Variants in SRPK2 observed in about 807,000 individuals in gnomAD.
The protein encoded by SRPK2 is SFRS protein kinase 2.
In SRPK2, 21 loss-of-function variants were observed where a neutral mutation model predicts 90.8. The observed-to-expected ratio is 0.23, with a 90% confidence interval of 0.16 to 0.33. SRPK2 has a LOEUF of 0.33. Among genes scored for constraint, SRPK2 ranks in the 10% least tolerant of loss-of-function variants. The probability of loss-of-function intolerance (pLI) is 1.00; values close to 1 mark genes in which losing one functional copy is unlikely to be tolerated. For missense variants in SRPK2, 620 were observed against 869.0 expected, an observed-to-expected ratio of 0.71 and a Z score of 3.60; for synonymous variants, 288 against 311.1, an observed-to-expected ratio of 0.93 and a Z score of 0.78.
At chr7:105,153,844 T>C (rs1405549094) in intron 7 of SRPK2, among the ~76,000 whole-genome samples, 2 of 152,076 alleles carry the variant, frequency 1.3e-5, no homozygotes, top group South Asian at 2.1e-4. Flanking sequence ...ATTGAGAATA[T>C]TAATTACTTG....
At chr7:105,379,457 A>T (rs2132622862) in intron 2 of SRPK2, among the ~76,000 whole-genome samples, 1 of 152,236 alleles carries the variant, frequency 6.6e-6, no homozygotes, top group South Asian at 2.1e-4. Flanking sequence ...GTACTGAGGG[A>T]TGACTGTATA....
chr7:105,248,686 A>C (rs190307816), intron 2 of SRPK2, among the ~76,000 whole-genome samples: 90 of 152,258 alleles, frequency 5.9e-4, no homozygotes, highest in Non-Finnish European at 1.1e-3. Flanking sequence ...CACGCCTGTA[A>C]TCCCAGCACT....
chr7:105,155,661 C>A (rs1393207664), intron 7 of SRPK2, among the ~76,000 whole-genome samples: 24 of 152,132 alleles, frequency 1.6e-4, no homozygotes, highest in Non-Finnish European at 4.4e-5. Context: ...CAAATGTGAG[C>A]TGAAGGCATT....
intron 2 of SRPK2, among the ~76,000 whole-genome samples, chr7:105,294,229 T>C (rs981998923): frequency 6.6e-5 from 10 of 152,250 alleles, no homozygotes; most frequent in African/African-American, 2.4e-4. Flanking sequence ...AAAGTTCTTT[T>C]ATCCAGTTTC....
intron 15 of SRPK2, among the ~76,000 whole-genome samples, chr7:105,122,340 C>G (rs1800505058): frequency 6.6e-6 from 1 of 152,142 alleles, no homozygotes; most frequent in Non-Finnish European, 1.5e-5. Context: ...CATGTGTATT[C>G]AAGAGAAACG....
chr7:105,307,974 G>A (rs1477793911), intron 2 of SRPK2, among the ~76,000 whole-genome samples: 1 of 152,090 alleles, frequency 6.6e-6, no homozygotes, highest in African/African-American at 2.4e-5. Flanking sequence ...TTGTGGTGAG[G>A]TTAACACAAA....
At chr7:105,267,453 G>C (rs1052672155) in intron 2 of SRPK2, among the ~76,000 whole-genome samples, 2 of 152,156 alleles carry the variant, frequency 1.3e-5, no homozygotes, top group Middle Eastern at 3.4e-3. Context: ...CATTTTACTG[G>C]CAGAATATTC....
chr7:105,397,703 G>T (rs1822370840), intron 1 of SRPK2, among the ~76,000 whole-genome samples: 1 of 151,856 alleles, frequency 6.6e-6, no homozygotes, highest in Non-Finnish European at 1.5e-5. Flanking sequence ...GAGTACAGTG[G>T]CACCATCTGA....
intron 2 of SRPK2, chr7:105,297,611 G>A: frequency 4.5e-6 from 2 of 449,262 alleles, no homozygotes; most frequent in East Asian, 1.6e-4. Flanking sequence ...AAGGTCTTCC[G>A]AGATTATCAC....
upstream of SRPK2, chr7:105,388,939 G>C: frequency 1.7e-6 from 2 of 1,186,946 alleles, no homozygotes; most frequent in Non-Finnish European, 2.1e-6. Context: ...CGCCGCCGCC[G>C]CCGCTCCAGC....
chr7:105,318,709 G>A (rs900412322), intron 2 of SRPK2, among the ~76,000 whole-genome samples: 2 of 152,028 alleles, frequency 1.3e-5, no homozygotes, highest in South Asian at 2.1e-4. Context: ...TTTGAAACAC[G>A]CTTCTCACCA....
intron 2 of SRPK2, among the ~76,000 whole-genome samples, chr7:105,355,074 C>A (rs926682558): frequency 5.9e-5 from 9 of 152,122 alleles, no homozygotes; most frequent in African/African-American, 2.2e-4. Context: ...TGTAACAGTA[C>A]TTCATTATTT....
At chr7:105,171,792 G>C (rs1288979514) in intron 3 of SRPK2, among the ~76,000 whole-genome samples, 1 of 152,036 alleles carries the variant, frequency 6.6e-6, no homozygotes, top group Admixed American at 6.5e-5. Context: ...TAGTGAATTA[G>C]GAATAAAATG....
At chr7:105,223,169 C>T (rs1350903281) in intron 2 of SRPK2, among the ~76,000 whole-genome samples, 7 of 152,178 alleles carry the variant, frequency 4.6e-5, no homozygotes, top group Non-Finnish European at 1.0e-4. Context: ...TTGTCCAGAC[C>T]GGGCTCAAGC....
intron 2 of SRPK2, among the ~76,000 whole-genome samples, chr7:105,205,515 T>TCACACACACA (rs1426772972): frequency 8.9e-6 from 1 of 111,822 alleles, no homozygotes; most frequent in Non-Finnish European, 1.8e-5. Context: ...TCTCTCTCTC[T>TCACACACACA]CTCACACACA....
chr7:105,252,513 T>G (rs545024931), intron 2 of SRPK2, among the ~76,000 whole-genome samples: 1 of 152,146 alleles, frequency 6.6e-6, no homozygotes, highest in Admixed American at 6.5e-5. Flanking sequence ...AAATTAAAAA[T>G]TTAATCCTTC....
intron 2 of SRPK2, among the ~76,000 whole-genome samples, chr7:105,339,491 AG>A (rs1315624087): frequency 1.3e-5 from 2 of 152,212 alleles, no homozygotes; most frequent in African/African-American, 4.8e-5. Flanking sequence ...ATAATAATGA[AG>A]GAAGAAACAT....
chr7:105,303,835 G>A (rs978692063), intron 2 of SRPK2, among the ~76,000 whole-genome samples: 15 of 152,138 alleles, frequency 9.9e-5, no homozygotes, highest in African/African-American at 3.6e-4. Flanking sequence ...TGTGGCAGAG[G>A]GTCAAACTAT....
At chr7:105,191,581 C>T (rs979018289) in intron 3 of SRPK2, among the ~76,000 whole-genome samples, 1 of 152,092 alleles carries the variant, frequency 6.6e-6, no homozygotes, top group African/African-American at 2.4e-5. Flanking sequence ...GGAAGAAAAG[C>T]AGTTTCATAA....
Sources: allele counts gnomAD v4.1 joint callset (sites outside exome capture counted in the v4.1 genomes callset), GRCh38; gene constraint gnomAD v4.1.1; transcripts MANE v1.5; gene names NCBI Gene and HGNC (gene_info 2026-07-23, HGNC 2026-07-21).